ATP6V0D1: variants seen among roughly 807,000 people sequenced by gnomAD.
The protein encoded by ATP6V0D1 is V-type proton ATPase subunit d 1.
In ATP6V0D1, 13 loss-of-function variants were observed where a neutral mutation model predicts 39.0. That is an observed-to-expected ratio of 0.33 (90% CI 0.22 to 0.53). The LOEUF (loss-of-function observed/expected upper bound fraction) is 0.53, where lower values mean the gene tolerates loss of function less well. Ranked by LOEUF, ATP6V0D1 falls within the 20% of genes least tolerant of loss-of-function variation. The pLI, the probability that ATP6V0D1 is intolerant of heterozygous loss-of-function variation, is 0.94. For synonymous variants in ATP6V0D1, 191 were observed against 191.2 expected (o/e 1.00, Z 0.01); for missense variants, 272 against 470.9 (o/e 0.58, Z 3.91).
intron 2 of ATP6V0D1, among the ~76,000 whole-genome samples, chr16:67,450,273 T>C (rs148240503): frequency 6.6e-6 from 1 of 152,216 alleles, no homozygotes; most frequent in East Asian, 1.9e-4. Context: ...TCAGGACATG[T>C]ATAGTTCCCT....
rs1004551835 is a variant in ATP6V0D1, at chr16:67,438,287, T to A, written c.*241A>T. 18 of 561,480 alleles carry A rather than the reference T, an allele frequency of 3.2e-5. 1 individual carries two copies. The highest frequency in any genetic ancestry group is 2.1e-4 in the South Asian group (10 of 47,816). 34.8% of individuals were successfully genotyped at this position (561,480 alleles called of 1,614,324 possible). On this transcript the variant is annotated 3_prime_UTR_variant, in exon 8 of 8. Transcript: ENST00000290949. ...AACCACAGGGCTGAGGGGGCCTCCTTGCTCTGGAGGGGGTCTTCGTCCATC... is the reference window on the plus strand; with the variant it reads ...AACCACAGGGCTGAGGGGGCCTCCTAGCTCTGGAGGGGGTCTTCGTCCATC...
intron 1 of ATP6V0D1, among the ~76,000 whole-genome samples, chr16:67,461,280 T>C (rs1423589784): frequency 6.6e-6 from 1 of 152,190 alleles, no homozygotes; most frequent in East Asian, 1.9e-4. Context: ...AGCATGAGCA[T>C]GCTAACACTC....
chr16:67,457,726 C>A lies in ATP6V0D1; in HGVS notation c.131-4011G>T, dbSNP rs888618621. 4.7e-6 allele frequency: 5 copies of A among 1,057,964 alleles called. No homozygotes were observed. The South Asian group carries it at 5.2e-5, about 11-fold the overall frequency. The allele number at this position is 1,057,964 out of a possible 1,614,324, so 65.5% of individuals were successfully genotyped here. ...AGAGGGCTCTCTTCTGCAGGCCCCCCACTCCTGGGCTCAGCAAGGGCCTCC... is the reference window on the plus strand; with the variant it reads ...AGAGGGCTCTCTTCTGCAGGCCCCCAACTCCTGGGCTCAGCAAGGGCCTCC... On this transcript the variant is annotated intron_variant, in intron 1 of 7. Coordinates refer to ENST00000290949, the MANE Select transcript of ATP6V0D1 (RefSeq NM_004691.5).
chr16:67,471,183 CATTT>C (rs1447717985), intron 1 of ATP6V0D1, among the ~76,000 whole-genome samples: 2 of 151,996 alleles, frequency 1.3e-5, no homozygotes, highest in East Asian at 1.9e-4. Context: ...TCAACTCAAA[CATTT>C]ATTATTTCTT....
chr16:67,457,276 A>G (rs565192086), intron 1 of ATP6V0D1: 2 of 279,618 alleles, frequency 7.2e-6, no homozygotes, highest in Non-Finnish European at 1.4e-5. Context: ...AGAACATGAA[A>G]CCTGTCCAGA....
intron 1 of ATP6V0D1, among the ~76,000 whole-genome samples, chr16:67,466,050 C>T (rs1250275602): frequency 4.6e-5 from 7 of 152,244 alleles, no homozygotes; most frequent in Admixed American, 2.0e-4. Context: ...AGAGGGTACG[C>T]CAGCTCCAGT....
At chr16:67,471,666 A>C (rs1166735585) in intron 1 of ATP6V0D1, among the ~76,000 whole-genome samples, 1 of 152,064 alleles carries the variant, frequency 6.6e-6, no homozygotes, top group Non-Finnish European at 1.5e-5. Context: ...TTTTTTAAAA[A>C]AAATTATTAT....
intron 1 of ATP6V0D1, among the ~76,000 whole-genome samples, chr16:67,475,118 T>C (rs2041404241): frequency 6.6e-6 from 1 of 152,204 alleles, no homozygotes; most frequent in Non-Finnish European, 1.5e-5. Flanking sequence ...CCTGTTAAAG[T>C]ACAAGTCTAA....
chr16:67,477,413 G>A (rs1451789742), intron 1 of ATP6V0D1, among the ~76,000 whole-genome samples: 1 of 152,120 alleles, frequency 6.6e-6, no homozygotes, highest in Non-Finnish European at 1.5e-5. Context: ...AAGGAAGGAG[G>A]AATAATATTG....
At chr16:67,463,943 G>A (rs372059322) in intron 1 of ATP6V0D1, among the ~76,000 whole-genome samples, 9 of 152,370 alleles carry the variant, frequency 5.9e-5, no homozygotes, top group African/African-American at 1.9e-4. Flanking sequence ...TGAAGCCACT[G>A]GGGGAGGTGG....
At chr16:67,475,750 A>T (rs564901812) in intron 1 of ATP6V0D1, among the ~76,000 whole-genome samples, 1 of 152,318 alleles carries the variant, frequency 6.6e-6, no homozygotes, top group Admixed American at 6.5e-5. Context: ...GTTTCTGAGT[A>T]AGAGAAGAGC....
chr16:67,473,086 GAC>G (rs1407811698), intron 1 of ATP6V0D1, among the ~76,000 whole-genome samples: 1 of 151,898 alleles, frequency 6.6e-6, no homozygotes, highest in Non-Finnish European at 1.5e-5. Context: ...GCAAATCCTC[GAC>G]ACACACTCTA....
rs1007207213 is a variant in ATP6V0D1, at chr16:67,458,309, C to T, written c.131-4594G>A. Among the ~76,000 whole-genome samples, 6 of 152,218 alleles carry T rather than the reference C, an allele frequency of 3.9e-5. No individual in the cohort carries two copies. The East Asian group carries it at 9.6e-4, about 24-fold the overall frequency. ...GACTGGGAGGGGACGTGACTGGGAG[C>T]AGGATCTAAGCACAGAAGGAGAGGC... On this transcript the variant is annotated intron_variant, in intron 1 of 7. Transcript: ENST00000290949.
At chr16:67,448,615 G>C (rs973290584) in intron 2 of ATP6V0D1, among the ~76,000 whole-genome samples, 167 of 148,880 alleles carry the variant, frequency 1.1e-3, no homozygotes, top group African/African-American at 4.0e-3. Flanking sequence ...AGCCGAGAAC[G>C]TGCCACTACA....
chr16:67,480,909 T>C, intron 1 of ATP6V0D1, 48 bp downstream of exon 1: 1 of 1,607,328 alleles, frequency 6.2e-7, no homozygotes, highest in African/African-American at 1.3e-5. Context: ...CTCTGAACCC[T>C]CAGGCCCCGG....
chr16:67,478,410 C>T (rs1273637699), intron 1 of ATP6V0D1, among the ~76,000 whole-genome samples: 2 of 152,056 alleles, frequency 1.3e-5, no homozygotes, highest in Non-Finnish European at 2.9e-5. Flanking sequence ...GTCAGGAGTT[C>T]GAGACCAGCC....
In ATP6V0D1 at chr16:67,438,460, C is replaced by G. The variant is rs1048031882; in HGVS notation, c.*68G>C. On this transcript the variant is annotated 3_prime_UTR_variant, in exon 8 of 8. Coordinates refer to ENST00000290949, the MANE Select transcript of ATP6V0D1 (RefSeq NM_004691.5). ...TTGTCACAGACCACATACACACACA[C>G]GCACACACACGCGCACACACACACA... 36 of 1,545,462 alleles carry G rather than the reference C, an allele frequency of 2.3e-5. No homozygotes were observed. The highest frequency in any genetic ancestry group is 3.0e-5 in the Non-Finnish European group (34 of 1,139,658).
chr16:67,438,450 TAC>T lies in ATP6V0D1; in HGVS notation c.*76_*77del, dbSNP rs1005125727. On this transcript the variant is annotated 3_prime_UTR_variant, in exon 8 of 8. Transcript: ENST00000290949. ...AGCCACAGGCTTGTCACAGACCACA[TAC>T]ACACACACGCACACACACGCGCACA... 1.3e-4 allele frequency: 191 copies of T among 1,514,246 alleles called. No homozygotes were observed. The highest frequency in any genetic ancestry group is 1.8e-4 in the Middle Eastern group (1 of 5,478). The allele number at this position is 1,514,246 out of a possible 1,614,324, so 93.8% of individuals were successfully genotyped here.
chr16:67,474,295 T>C (rs996862789), intron 1 of ATP6V0D1, among the ~76,000 whole-genome samples: 4 of 152,286 alleles, frequency 2.6e-5, no homozygotes, highest in South Asian at 2.1e-4. Flanking sequence ...TTATTCCCAT[T>C]TTACAGCTGA....
Sources: gnomAD v4.1 joint callset for allele counts (sites outside exome capture counted in the v4.1 genomes callset) on GRCh38, gnomAD v4.1.1 for gene constraint, MANE v1.5 for transcripts, NCBI Gene and HGNC (gene_info 2026-07-23, HGNC 2026-07-21) for gene names.